Variants in CNTN4 observed in about 807,000 individuals in gnomAD.
The protein encoded by CNTN4 is contactin 4.
A neutral mutation model predicts 122.5 loss-of-function variants in CNTN4; 77 were observed. That is an observed-to-expected ratio of 0.63 (90% CI 0.52 to 0.76). The LOEUF is 0.76. Among genes scored for constraint, CNTN4 ranks in the 30% least tolerant of loss-of-function variants. CNTN4 has a pLI of 0.00. For missense variants in CNTN4, 1,256 were observed against 1,259.1 expected, an observed-to-expected ratio of 1.00 and a Z score of 0.04; for synonymous variants, 512 against 447.0, an observed-to-expected ratio of 1.15 and a Z score of -1.83.
chr3:2,575,342 T>G (rs2149519007), intron 4 of CNTN4, among the ~76,000 whole-genome samples: 1 of 152,116 alleles, frequency 6.6e-6, no homozygotes, highest in African/African-American at 2.4e-5. Flanking sequence ...CGAAACCCAG[T>G]CTCTACTAAA....
intron 4 of CNTN4, among the ~76,000 whole-genome samples, chr3:2,717,176 T>C (rs767754735): frequency 2.0e-5 from 3 of 152,166 alleles, no homozygotes; most frequent in Admixed American, 6.5e-5. Context: ...AAAGCCTGGT[T>C]TAAAAGGTTG....
At chr3:2,204,649 G>A (rs1248951709) in intron 2 of CNTN4, among the ~76,000 whole-genome samples, 1 of 152,096 alleles carries the variant, frequency 6.6e-6, no homozygotes, top group Non-Finnish European at 1.5e-5. Context: ...AGGTCACAAA[G>A]GAGAAATGCT....
intron 2 of CNTN4, among the ~76,000 whole-genome samples, chr3:2,268,470 T>C (rs984791568): frequency 6.6e-5 from 10 of 151,068 alleles, no homozygotes; most frequent in Non-Finnish European, 1.3e-4. Flanking sequence ...AATTTTAAGC[T>C]CCTTGGGAGC....
intron 13 of CNTN4, among the ~76,000 whole-genome samples, chr3:2,976,880 T>C (rs2125150752): frequency 6.6e-6 from 1 of 152,196 alleles, no homozygotes; most frequent in Non-Finnish European, 1.5e-5. Context: ...TTTTTTTTTT[T>C]CTTTTCAGAG....
chr3:2,231,805 CTTCAATTTATTTAATCAA>C (rs1418988502), intron 2 of CNTN4, among the ~76,000 whole-genome samples: 2 of 152,092 alleles, frequency 1.3e-5, no homozygotes, highest in East Asian at 3.9e-4. Context: ...TTGAAGTACT[CTTCAATTTATTTAATCAA>C]TTATGTCCTG....
chr3:2,447,363 A>G (rs921394059), intron 3 of CNTN4, among the ~76,000 whole-genome samples: 3 of 152,290 alleles, frequency 2.0e-5, no homozygotes, highest in African/African-American at 7.2e-5. Flanking sequence ...GTTGTAATAA[A>G]GACTTAATAA....
intron 2 of CNTN4, among the ~76,000 whole-genome samples, chr3:2,251,348 G>T (rs1041674072): frequency 6.6e-6 from 1 of 151,800 alleles, no homozygotes; most frequent in African/African-American, 2.4e-5. Flanking sequence ...ATAAATGAAG[G>T]AAGATCTACT....
At chr3:2,384,519 G>A (rs1315416319) in intron 3 of CNTN4, among the ~76,000 whole-genome samples, 1 of 152,096 alleles carries the variant, frequency 6.6e-6, no homozygotes, top group East Asian at 1.9e-4. Flanking sequence ...TTATTTTAAT[G>A]GTTTTCTAAC....
intron 3 of CNTN4, among the ~76,000 whole-genome samples, chr3:2,439,035 A>T (rs1227560229): frequency 6.6e-6 from 1 of 152,204 alleles, no homozygotes; most frequent in East Asian, 1.9e-4. Context: ...CTCAACTACC[A>T]TACCTAGAAT....
chr3:2,842,476 C>T (rs2150530742), intron 7 of CNTN4, among the ~76,000 whole-genome samples: 1 of 151,742 alleles, frequency 6.6e-6, no homozygotes, highest in South Asian at 2.1e-4. Context: ...CTACATCACT[C>T]CTACCTGCAT....
intron 2 of CNTN4, among the ~76,000 whole-genome samples, chr3:2,229,687 T>A (rs2039413625): frequency 6.6e-6 from 1 of 152,202 alleles, no homozygotes; most frequent in Non-Finnish European, 1.5e-5. Flanking sequence ...TTATTTTAAC[T>A]AATATTTACT....
intron 13 of CNTN4, among the ~76,000 whole-genome samples, chr3:2,987,769 C>A (rs1694711019): frequency 6.6e-6 from 1 of 152,156 alleles, no homozygotes; most frequent in Non-Finnish European, 1.5e-5. Context: ...TGAGGTTTGC[C>A]ATCCACATTT....
intron 4 of CNTN4, among the ~76,000 whole-genome samples, chr3:2,664,576 T>C (rs900052593): frequency 3.9e-5 from 6 of 152,202 alleles, no homozygotes; most frequent in Admixed American, 3.9e-4. Context: ...TCCAGGGTTA[T>C]ATAGTCAATA....
intron 6 of CNTN4, among the ~76,000 whole-genome samples, chr3:2,761,155 G>C (rs77462647): frequency 4.6e-5 from 7 of 152,164 alleles, no homozygotes; most frequent in African/African-American, 1.7e-4. Flanking sequence ...CTGACCCAAG[G>C]TTTATTTTAA....
chr3:2,484,784 C>T (rs1391799530), intron 3 of CNTN4, among the ~76,000 whole-genome samples: 2 of 152,230 alleles, frequency 1.3e-5, no homozygotes, highest in African/African-American at 4.8e-5. Flanking sequence ...GCTCTCCGCA[C>T]CTCCTCAGCC....
intron 4 of CNTN4, among the ~76,000 whole-genome samples, chr3:2,576,116 T>G (rs1281084819): frequency 6.6e-6 from 1 of 152,210 alleles, no homozygotes; most frequent in East Asian, 1.9e-4. Flanking sequence ...ATTACAGGCG[T>G]GAGCCACCAC....
At chr3:2,733,999 T>C (rs976470413) in intron 4 of CNTN4, among the ~76,000 whole-genome samples, 1 of 152,182 alleles carries the variant, frequency 6.6e-6, no homozygotes, top group African/African-American at 2.4e-5. Flanking sequence ...AAATTAAATG[T>C]GTAGGTACAT....
At chr3:2,859,210 C>T (rs1159482660) in intron 7 of CNTN4, among the ~76,000 whole-genome samples, 1 of 152,194 alleles carries the variant, frequency 6.6e-6, no homozygotes, top group African/African-American at 2.4e-5. Context: ...CCTCCAGGTT[C>T]ATCCATGTTG....
chr3:2,812,572 G>T (rs200407963), intron 6 of CNTN4, among the ~76,000 whole-genome samples: 19,318 of 102,430 alleles, frequency 0.19, 1,276 homozygotes, highest in Non-Finnish European at 0.22. Flanking sequence ...GTTTTGTTTT[G>T]TTTTTTTGTT....
Sources: gnomAD v4.1 joint callset for allele counts (sites outside exome capture counted in the v4.1 genomes callset) on GRCh38, gnomAD v4.1.1 for gene constraint, MANE v1.5 for transcripts, NCBI Gene and HGNC (gene_info 2026-07-23, HGNC 2026-07-21) for gene names.